Variants in STK31 observed in about 807,000 individuals in gnomAD.
The protein encoded by STK31 is serine/threonine-protein kinase 31.
STK31 carries 89 observed loss-of-function variants against 129.7 expected under a neutral mutation model. That is an observed-to-expected ratio of 0.69 (90% confidence interval 0.58 to 0.82). The LOEUF is 0.82. STK31 is among the 40% of genes least tolerant of loss of function. The pLI is 0.00. For synonymous variants in STK31, 448 were observed against 395.3 expected, an observed-to-expected ratio of 1.13 and a Z score of -1.58; for missense variants, 1,187 against 1,176.4, an observed-to-expected ratio of 1.01 and a Z score of -0.13.
At chr7:23,710,091 GGCA>G, upstream of STK31, 2 of 904,802 alleles carry the variant, frequency 2.2e-6, no homozygotes, top group Non-Finnish European at 3.3e-6. Context: ...CCTGGGGGTC[GGCA>G]GCAGCCAGCG....
Position 23,754,405 on chromosome 7 carries a change from G to T in STK31, c.1224G>T (p.Leu408Phe), listed in dbSNP as rs1037848870. The change falls in exon 10 of 24, where the codon TTG becomes TTT. Residue 408 changes from leucine to phenylalanine, a missense_variant. This residue lies in a region of STK31 where 975 missense variants were observed against 934.9 expected (regional missense o/e 1.04). Transcript: ENST00000355870. ...GGTGCTTTACTACTCCAGCTTCTTT[G>T]AATGGATTAGAGATAATATGGGCAG... is the stretch of plus-strand genomic sequence containing the variant. ...DEGCFTTPAS[L>F]NGLEIIWAEY... 2 of 1,613,978 alleles carry T rather than the reference G, an allele frequency of 1.2e-6. No individual in the cohort carries two copies. The highest frequency in any genetic ancestry group is 1.7e-6 in the Non-Finnish European group (2 of 1,179,912).
chr7:23,741,026 A>G (rs1788026030), intron 8 of STK31, among the ~76,000 whole-genome samples: 1 of 152,180 alleles, frequency 6.6e-6, no homozygotes, highest in Non-Finnish European at 1.5e-5. Context: ...CTCCTTAAGT[A>G]TTATTATGAA....
intron 21 of STK31, among the ~76,000 whole-genome samples, chr7:23,790,516 C>G (rs1245635649): frequency 6.6e-6 from 1 of 152,130 alleles, no homozygotes; most frequent in South Asian, 2.1e-4. Context: ...GAACATGGCA[C>G]TGCTGCTCAC....
chr7:23,781,654 G>A, intron 16 of STK31, 134 bp downstream of exon 16: 4 of 530,938 alleles, frequency 7.5e-6, no homozygotes, highest in South Asian at 3.6e-5. Context: ...ATATTGACCT[G>A]GTAAGATTTT....
chr7:23,724,301 G>A (rs931493970), intron 4 of STK31, among the ~76,000 whole-genome samples: 5 of 152,192 alleles, frequency 3.3e-5, no homozygotes, highest in African/African-American at 1.2e-4. Context: ...GCTTACACAG[G>A]TCAACTCCTT....
intron 23 of STK31, among the ~76,000 whole-genome samples, chr7:23,820,691 C>G (rs1310996870): frequency 6.6e-6 from 1 of 152,136 alleles, no homozygotes; most frequent in Admixed American, 6.5e-5. Context: ...CCCACATTCT[C>G]TTAGTCTCTG....
In STK31 at chr7:23,807,831, A is replaced by G. The variant is rs1014369363; in HGVS notation, c.2761-7313A>G. Among the ~76,000 whole-genome samples the G allele has an allele frequency of 5.9e-5, 9 of 151,652 alleles. No individual in the cohort carries two copies. In the South Asian group the frequency reaches 1.0e-3, roughly 18 times the overall value. On this transcript the variant is annotated intron_variant, in intron 22 of 23. Transcript: ENST00000355870. ...TCATATTTATTCTATCATTCAGTCC[A>G]CCTAATGAGTTTTAACATTTTTGAT...
At chr7:23,783,704 G>A (rs779299293) in intron 17 of STK31, 41 bp downstream of exon 17, 4 of 1,441,802 alleles carry the variant, frequency 2.8e-6, no homozygotes, top group Non-Finnish European at 3.8e-6. Context: ...TCTTCAGAGG[G>A]TGTTGAAAAG....
intron 22 of STK31, among the ~76,000 whole-genome samples, chr7:23,810,724 TAAAATAG>T (rs1338085639): frequency 3.0e-5 from 1 of 33,528 alleles, no homozygotes; most frequent in African/African-American, 9.2e-5. Context: ...TAGATATATA[TAAAATAG>T]ATATATATAA....
chr7:23,828,520 T>C (rs1794327430), intron 23 of STK31, among the ~76,000 whole-genome samples: 1 of 152,210 alleles, frequency 6.6e-6, no homozygotes, highest in African/African-American at 2.4e-5. Context: ...GGAAAGGGAA[T>C]TCCCTGACCC....
chr7:23,787,759 CACACACACACACACACACACACAA>C (rs1273039740), intron 20 of STK31, among the ~76,000 whole-genome samples, 197 bp from the exon 21 acceptor site: 2 of 151,120 alleles, frequency 1.3e-5, no homozygotes, highest in African/African-American at 4.9e-5. Context: ...CACACACACA[CACACACACACACACACACACACAA>C]ACACACACAG....
intron 5 of STK31, 125 bp downstream of exon 5, chr7:23,727,440 C>T (rs189675071): frequency 4.2e-6 from 3 of 709,320 alleles, no homozygotes; most frequent in East Asian, 2.8e-5. Flanking sequence ...GTGATTAAAA[C>T]ACAGAAGAAA....
intron 6 of STK31, among the ~76,000 whole-genome samples, chr7:23,730,878 A>ATATAT: frequency 2.5e-4 from 15 of 59,544 alleles, no homozygotes; most frequent in African/African-American, 8.1e-4. Flanking sequence ...ATATATATAT[A>ATATAT]TTTTTTTTTT....
chr7:23,751,066 C>T (rs924604876), intron 8 of STK31, among the ~76,000 whole-genome samples: 2 of 152,226 alleles, frequency 1.3e-5, no homozygotes, highest in African/African-American at 4.8e-5. Context: ...TATCATTCCA[C>T]TCTCTACCTC....
At chr7:23,824,326 T>C (rs1464539401) in intron 23 of STK31, among the ~76,000 whole-genome samples, 2 of 152,216 alleles carry the variant, frequency 1.3e-5, no homozygotes, top group African/African-American at 2.4e-5. Context: ...CCCTTGTAAG[T>C]TGGATTCTTA....
chr7:23,818,109 T>G (rs1793574080), intron 23 of STK31, among the ~76,000 whole-genome samples: 2 of 152,104 alleles, frequency 1.3e-5, no homozygotes, highest in Admixed American at 1.3e-4. Context: ...TAAATATATT[T>G]TTAAATGGTT....
intron 23 of STK31, among the ~76,000 whole-genome samples, chr7:23,816,188 C>A (rs1215707493): frequency 6.6e-6 from 1 of 152,028 alleles, no homozygotes; most frequent in Non-Finnish European, 1.5e-5. Context: ...TGTTACACTT[C>A]CTGATTATCT....
chr7:23,718,864 A>G (rs1239118055), intron 4 of STK31, among the ~76,000 whole-genome samples: 1 of 152,062 alleles, frequency 6.6e-6, no homozygotes, highest in Non-Finnish European at 1.5e-5. Flanking sequence ...ATATATCTAG[A>G]GTAGAATTGC....
intron 22 of STK31, among the ~76,000 whole-genome samples, chr7:23,802,625 T>A (rs1792449170): frequency 6.6e-6 from 1 of 152,168 alleles, no homozygotes; most frequent in Non-Finnish European, 1.5e-5. Flanking sequence ...ATGATTCTTG[T>A]GCCTCAGCCT....
Sources: gnomAD v4.1 joint callset for allele counts (sites outside exome capture counted in the v4.1 genomes callset) on GRCh38, gnomAD v4.1.1 for gene constraint, gnomAD v4.1.1 regional missense constraint, MANE v1.5 for transcripts, NCBI Gene and HGNC (gene_info 2026-07-23, HGNC 2026-07-21) for gene names.